Variants in LMAN1 observed in about 807,000 individuals in gnomAD.
LMAN1 encodes the protein lectin, mannose binding 1, also known as protein ERGIC-53.
LMAN1 carries 32 observed loss-of-function variants against 67.8 expected under a neutral mutation model. The ratio of observed to expected loss-of-function variants is 0.47; its 90% CI spans 0.36 to 0.63. The LOEUF is 0.63. Ranked by LOEUF, LMAN1 falls within the 30% of genes least tolerant of loss-of-function variation. The pLI, the probability that LMAN1 is intolerant of heterozygous loss-of-function variation, is 0.00. For missense variants in LMAN1, 632 were observed against 628.2 expected (o/e 1.01, Z -0.06); for synonymous variants, 235 against 219.3 (o/e 1.07, Z -0.63).
chr18:59,342,481 G>A (rs1908309719), intron 8 of LMAN1, among the ~76,000 whole-genome samples: 1 of 152,020 alleles, frequency 6.6e-6, no homozygotes, highest in Admixed American at 6.6e-5. Flanking sequence ...CGATCAAGGT[G>A]GGATTTATCC....
chr18:59,331,174 T>C lies in LMAN1; in HGVS notation c.1497-45A>G, dbSNP rs141616853. On this transcript the variant is annotated intron_variant, in intron 12 of 12. Coordinates refer to ENST00000251047, the MANE Select transcript of LMAN1 (RefSeq NM_005570.4). ...AACACTTAAAGAAGTTCTATACGCTTAACTTTGGAAAGAAACAGGACTATT... is the reference window on the plus strand; with the variant it reads ...AACACTTAAAGAAGTTCTATACGCTCAACTTTGGAAAGAAACAGGACTATT... 3,415 of 1,519,178 alleles carry C rather than the reference T, an allele frequency of 2.2e-3. 6 individuals are homozygous for C. Among genetic ancestry groups the C allele is most frequent in the Non-Finnish European group, 2.8e-3 (3,037 of 1,097,362 alleles). 94.1% of individuals were successfully genotyped at this position (1,519,178 alleles called of 1,614,324 possible).
chr18:59,352,835 T>A (rs1908573523), intron 5 of LMAN1: 2 of 325,726 alleles, frequency 6.1e-6, no homozygotes, highest in Non-Finnish European at 1.2e-5. Context: ...TCTGTTAGGC[T>A]ATAAGCTCTC....
Position 59,347,535 on chromosome 18 carries a change from A to C in LMAN1, c.800T>G (p.Leu267Trp). 1 of 1,611,664 alleles carries C rather than the reference A, an allele frequency of 6.2e-7. No individual in the cohort carries two copies. The highest frequency in any genetic ancestry group is 8.5e-7 in the Non-Finnish European group (1 of 1,178,806). The change falls in exon 7 of 13, where the codon TTG becomes TGG. Residue 267 changes from leucine (L) to tryptophan (W), a missense_variant. Coordinates refer to ENST00000251047, the MANE Select transcript of LMAN1 (RefSeq NM_005570.4). ...HDVLSFLTFQ[L>W]TEPGKEPPTP... is the part of the protein sequence containing the mutation. Reference sequence around the variant, plus strand: ...TACCGGCTCTTTTCCAGGTTCAGTCAACTGGAAAGTCAGAAAAGAAAGGAC... The same window carrying C: ...TACCGGCTCTTTTCCAGGTTCAGTCCACTGGAAAGTCAGAAAAGAAAGGAC...
At chr18:59,357,886 G>A (rs940035263) in intron 1 of LMAN1, among the ~76,000 whole-genome samples, 1 of 151,252 alleles carries the variant, frequency 6.6e-6, no homozygotes, top group African/African-American at 2.4e-5. Flanking sequence ...TAGTTAATGG[G>A]TGCAGCACAC....
intron 1 of LMAN1, among the ~76,000 whole-genome samples, chr18:59,358,691 C>T (rs1462451437): frequency 1.3e-5 from 2 of 152,068 alleles, no homozygotes; most frequent in Non-Finnish European, 2.9e-5. Context: ...CGTTGTGAAA[C>T]ATGATACCTA....
intron 8 of LMAN1, among the ~76,000 whole-genome samples, chr18:59,345,638 AT>A (rs1908382146): frequency 6.6e-6 from 1 of 152,198 alleles, no homozygotes; most frequent in African/African-American, 2.4e-5. Context: ...TATTAACAAA[AT>A]CCCTGTCCTC....
chr18:59,341,993 A>G (rs1038879894), intron 8 of LMAN1, among the ~76,000 whole-genome samples: 2 of 152,134 alleles, frequency 1.3e-5, no homozygotes, highest in Non-Finnish European at 2.9e-5. Flanking sequence ...GAAAAGAAGG[A>G]GACATTACAA....
At chr18:59,331,930 C>A (rs775069560) in intron 11 of LMAN1, among the ~76,000 whole-genome samples, 15 of 152,170 alleles carry the variant, frequency 9.9e-5, no homozygotes, top group Non-Finnish European at 1.6e-4. Context: ...CCAGGTCAGA[C>A]AATAAATTAC....
intron 8 of LMAN1, among the ~76,000 whole-genome samples, chr18:59,342,677 C>T (rs970051893): frequency 6.6e-6 from 1 of 151,882 alleles, no homozygotes; most frequent in African/African-American, 2.4e-5. Flanking sequence ...TATGACAAAC[C>T]CACAGCCAAC....
chr18:59,332,597 T>A (rs1432339583), intron 11 of LMAN1, among the ~76,000 whole-genome samples: 1 of 152,210 alleles, frequency 6.6e-6, no homozygotes, highest in Non-Finnish European at 1.5e-5. Flanking sequence ...TTGGGATTTC[T>A]GCTTCTGGTA....
rs59909890 is a variant in LMAN1, at chr18:59,344,828, T to C, written c.955+1091A>G. ...TAAATAAAATTAAAATGGAAAAATA[T>C]TTCTCTTTCATTACACTGTGTGATT... On this transcript the variant is annotated intron_variant, in intron 8 of 12. Coordinates refer to ENST00000251047, the MANE Select transcript of LMAN1 (RefSeq NM_005570.4). Among the ~76,000 whole-genome samples the C allele has an allele frequency of 4.3e-3, 651 of 152,284 alleles. 7 individuals are homozygous for C. Among genetic ancestry groups the C allele is most frequent in the African/African-American group, 0.015 (609 of 41,554 alleles).
intron 10 of LMAN1, 73 bp downstream of exon 10, chr18:59,338,484 T>C (rs778734610): frequency 1.1e-4 from 126 of 1,190,208 alleles, no homozygotes; most frequent in Middle Eastern, 6.9e-4. Flanking sequence ...AATACAGTGC[T>C]TGCACACCTG....
At chr18:59,332,843 A>AT (rs1163186507) in intron 11 of LMAN1, among the ~76,000 whole-genome samples, 2 of 152,324 alleles carry the variant, frequency 1.3e-5, no homozygotes, top group African/African-American at 4.8e-5. Context: ...AAATCAGAAA[A>AT]TATTTTCACG....
rs1017196177 is a variant in LMAN1, at chr18:59,353,259, G to C, written c.582C>G (p.Phe194Leu). 4.3e-6 allele frequency: 7 copies of C among 1,614,014 alleles called. No individual in the cohort carries two copies. In the African/African-American group the frequency reaches 8.0e-5, roughly 18 times the overall value. ...CTCGGACAGGATAGGGTTTGTTGCG[G>C]AAGTCCCTCTGGCAACTTGCCAAAG... is the stretch of plus-strand genomic sequence containing the variant. ...SQALASCQRD[F>L]RNKPYPVRAK... is the part of the protein sequence containing the mutation. The change falls in exon 5 of 13, where the codon TTC becomes TTG. Residue 194 changes from phenylalanine (F) to leucine (L), a missense_variant. Transcript: ENST00000251047.
At chr18:59,340,467 G>A (rs1373892974) in intron 8 of LMAN1, among the ~76,000 whole-genome samples, 1 of 151,928 alleles carries the variant, frequency 6.6e-6, no homozygotes, top group Admixed American at 6.6e-5. Flanking sequence ...AGGCCAGAAA[G>A]GAATGGGCAT....
intron 8 of LMAN1, among the ~76,000 whole-genome samples, chr18:59,342,784 A>G (rs974365732): frequency 3.0e-4 from 46 of 152,028 alleles, no homozygotes; most frequent in African/African-American, 9.9e-4. Flanking sequence ...ATAACATAAT[A>G]CTAGAAGTCT....
At chr18:59,347,883 C>A (rs908947338) in intron 6 of LMAN1, among the ~76,000 whole-genome samples, 2 of 152,198 alleles carry the variant, frequency 1.3e-5, no homozygotes, top group Admixed American at 1.3e-4. Flanking sequence ...AATGAAGGGT[C>A]AAAAGAAGTC....
At chr18:59,348,172 T>A (rs1338938138) in intron 6 of LMAN1, among the ~76,000 whole-genome samples, 1 of 152,262 alleles carries the variant, frequency 6.6e-6, no homozygotes, top group Non-Finnish European at 1.5e-5. Context: ...CAAATCAAAC[T>A]TCCTAACCCT....
Position 59,330,679 on chromosome 18 carries a change from T to C in LMAN1, c.*414A>G, listed in dbSNP as rs1362382747. 1 of 161,224 alleles carries C rather than the reference T, an allele frequency of 6.2e-6. No homozygotes were observed. The highest frequency in any genetic ancestry group is 2.4e-5 in the African/African-American group (1 of 41,634). The allele number at this position is 161,224 out of a possible 1,614,324, so 10.0% of individuals were successfully genotyped here. A position where few individuals can be genotyped will look rare whatever the true frequency, so the allele number is the denominator to read the frequency against. On this transcript the variant is annotated 3_prime_UTR_variant, in exon 13 of 13. Transcript: ENST00000251047. ...TCTGACCTCTAAAAAAGACTTTGGT[T>C]ACAAAATAAACCTGATGGGACTTCT...
Sources: gnomAD v4.1 joint callset for allele counts (sites outside exome capture counted in the v4.1 genomes callset) on GRCh38, gnomAD v4.1.1 for gene constraint, MANE v1.5 for transcripts, NCBI Gene and HGNC (gene_info 2026-07-23, HGNC 2026-07-21) for gene names.